The following SPATA17 variants were observed in gnomAD, a reference collection of about 807,000 sequenced individuals.
The protein encoded by SPATA17 is spermatogenesis associated 17, also known as spermatogenesis-associated protein 17.
A neutral mutation model predicts 62.2 loss-of-function variants in SPATA17; 53 were observed. That is an observed-to-expected ratio of 0.85 (90% confidence interval 0.68 to 1.07). SPATA17 has a LOEUF of 1.07. Ranked by LOEUF, SPATA17 falls within the 50% of genes least tolerant of loss-of-function variation. SPATA17 has a pLI of 0.00. For synonymous variants in SPATA17, 146 were observed against 146.8 expected (o/e 0.99, Z 0.04); for missense variants, 466 against 425.5 (o/e 1.10, Z -0.84).
At chr1:217,866,499 T>G (rs1339075056) in intron 10 of SPATA17, 1 of 152,350 alleles carries the variant, frequency 6.6e-6, no homozygotes, top group Admixed American at 6.5e-5. Flanking sequence ...CTCACTCTGT[T>G]GCCCAGGGTG....
chr1:217,827,491 G>A (rs185535164), intron 9 of SPATA17, among the ~76,000 whole-genome samples: 27 of 152,096 alleles, frequency 1.8e-4, no homozygotes, highest in Admixed American at 1.2e-3. Flanking sequence ...ATTTAGAACC[G>A]GAAACACATC....
At chr1:217,635,917 G>A (rs1454716195) in intron 1 of SPATA17, among the ~76,000 whole-genome samples, 1 of 151,834 alleles carries the variant, frequency 6.6e-6, no homozygotes, top group Non-Finnish European at 1.5e-5. Context: ...AGCAGATCAC[G>A]AGGTCAGGAA....
intron 5 of SPATA17, among the ~76,000 whole-genome samples, chr1:217,690,350 T>A (rs1283477674): frequency 1.3e-5 from 2 of 152,088 alleles, no homozygotes; most frequent in African/African-American, 4.8e-5. Flanking sequence ...AGATACAGCT[T>A]CTATCTTGCT....
intron 8 of SPATA17, among the ~76,000 whole-genome samples, chr1:217,783,720 CTGAT>C (rs1204326817): frequency 6.6e-6 from 1 of 152,000 alleles, no homozygotes; most frequent in Non-Finnish European, 1.5e-5. Context: ...TATTGATTAT[CTGAT>C]TGATATTTCT....
At chr1:217,782,722 G>A (rs1395987031) in intron 8 of SPATA17, among the ~76,000 whole-genome samples, 3 of 152,104 alleles carry the variant, frequency 2.0e-5, no homozygotes, top group Non-Finnish European at 4.4e-5. Context: ...TAACATTGTA[G>A]TTTTAATAAG....
chr1:217,637,135 G>T (rs1393788669), intron 1 of SPATA17, among the ~76,000 whole-genome samples: 1 of 152,142 alleles, frequency 6.6e-6, no homozygotes, highest in African/African-American at 2.4e-5. Flanking sequence ...AAGAAATAGA[G>T]AAATAAATGT....
chr1:217,859,235 T>A (rs1276708469), intron 9 of SPATA17, among the ~76,000 whole-genome samples: 2 of 146,790 alleles, frequency 1.4e-5, no homozygotes, highest in Non-Finnish European at 3.0e-5. Flanking sequence ...ATATATAAAA[T>A]TTTATATATT....
intron 8 of SPATA17, among the ~76,000 whole-genome samples, chr1:217,801,477 G>A (rs1674310621): frequency 6.6e-6 from 1 of 152,028 alleles, no homozygotes; most frequent in Non-Finnish European, 1.5e-5. Flanking sequence ...TAAAATACTT[G>A]AGACTCACAA....
intron 9 of SPATA17, among the ~76,000 whole-genome samples, chr1:217,834,646 G>A (rs138060251): frequency 6.6e-6 from 1 of 152,192 alleles, no homozygotes; most frequent in East Asian, 1.9e-4. Context: ...GTTTTAAGCT[G>A]TTATTAGAAA....
rs72005057 is a variant in SPATA17, at chr1:217,696,528, GTAC to G, written c.395+13170_395+13172del. Among the ~76,000 whole-genome samples the G allele has an allele frequency of 8.5e-3, 1,287 of 152,222 alleles. 20 individuals carry two copies. Among genetic ancestry groups the G allele is most frequent in the African/African-American group, 0.029 (1,207 of 41,546 alleles). ...CAGCCATCTTGGCTCCTCCCCAAAA[GTAC>G]TATTTGGTCCTTTTTAAAATTTGCC... On this transcript the variant is annotated intron_variant, in intron 5 of 10. Transcript: ENST00000366933.
chr1:217,779,349 A>G (rs1162655113), intron 7 of SPATA17, among the ~76,000 whole-genome samples: 3 of 151,700 alleles, frequency 2.0e-5, no homozygotes, highest in Non-Finnish European at 4.4e-5. Flanking sequence ...CTACTAATCT[A>G]TTCTCTTTTC....
chr1:217,742,044 G>C lies in SPATA17; in HGVS notation c.465G>C (p.Glu155Asp). Residue 155 changes from glutamate (E) to aspartate (D), a missense_variant, in exon 6 of 11, where the codon GAG (glutamate) becomes GAC (aspartate). Physicochemically the swap from Glu to Asp is conservative, Grantham distance 45. Transcript: ENST00000366933. Reference protein sequence around the residue: ...EEKKANLEREEKKRDYQARKM... With the variant: ...EEKKANLEREDKKRDYQARKM... ...AGAAGGCTAACCTCGAAAGGGAAGA[G>C]AAGAAAAGAGATTACCAAGCCCGAA... is the stretch of plus-strand genomic sequence containing the variant. 1 of 1,614,142 alleles carries C rather than the reference G, an allele frequency of 6.2e-7. No individual in the cohort carries two copies. Among genetic ancestry groups the C allele is most frequent in the Non-Finnish European group, 8.5e-7 (1 of 1,180,024 alleles).
intron 4 of SPATA17, among the ~76,000 whole-genome samples, chr1:217,675,138 A>G (rs1274770503): frequency 1.3e-5 from 2 of 152,090 alleles, no homozygotes; most frequent in Admixed American, 1.3e-4. Context: ...TGCCGCAATT[A>G]TATGGATATG....
At chr1:217,671,806 G>GCCT (rs1670837110) in intron 4 of SPATA17, among the ~76,000 whole-genome samples, 1 of 152,194 alleles carries the variant, frequency 6.6e-6, no homozygotes, top group African/African-American at 2.4e-5. Flanking sequence ...GAGGCTATGT[G>GCCT]GAGCACATAA....
At chr1:217,794,351 A>G (rs1674082794) in intron 8 of SPATA17, among the ~76,000 whole-genome samples, 1 of 152,126 alleles carries the variant, frequency 6.6e-6, no homozygotes. Context: ...TACATTCACA[A>G]TTTATTAAGA....
intron 4 of SPATA17, among the ~76,000 whole-genome samples, chr1:217,676,645 G>A (rs1433650046): frequency 6.6e-6 from 1 of 152,124 alleles, no homozygotes; most frequent in Non-Finnish European, 1.5e-5. Context: ...TTTGTTCCTT[G>A]TAATGCCTTT....
At chr1:217,845,996 T>C (rs1289794849) in intron 9 of SPATA17, among the ~76,000 whole-genome samples, 1 of 152,150 alleles carries the variant, frequency 6.6e-6, no homozygotes, top group Non-Finnish European at 1.5e-5. Flanking sequence ...ATTCTTCTGC[T>C]AGCCCAATTA....
intron 8 of SPATA17, among the ~76,000 whole-genome samples, chr1:217,801,295 G>T (rs1370636260): frequency 6.6e-6 from 1 of 152,116 alleles, no homozygotes; most frequent in East Asian, 1.9e-4. Flanking sequence ...CACCATTATT[G>T]AAGTGACTTA....
intron 7 of SPATA17, among the ~76,000 whole-genome samples, chr1:217,780,617 A>G (rs1169434885): frequency 2.6e-5 from 4 of 152,144 alleles, no homozygotes; most frequent in African/African-American, 7.2e-5. Context: ...CTCCATGTGA[A>G]TGCTGGTCTC....
Sources: gnomAD v4.1 joint callset for allele counts (sites outside exome capture counted in the v4.1 genomes callset) on GRCh38, gnomAD v4.1.1 for gene constraint, MANE v1.5 for transcripts, NCBI Gene and HGNC (gene_info 2026-07-23, HGNC 2026-07-21) for gene names.